NAALADL2: variants seen among roughly 807,000 people sequenced by gnomAD.
NAALADL2 encodes inactive N-acetylated-alpha-linked acidic dipeptidase-like protein 2.
NAALADL2 carries 76 observed loss-of-function variants against 87.2 expected under a neutral mutation model. The observed-to-expected ratio is 0.87, with a 90% CI of 0.72 to 1.05. The LOEUF is 1.05. Among genes scored for constraint, NAALADL2 ranks in the 50% least tolerant of loss-of-function variants. The pLI is 0.00. For missense variants in NAALADL2, 1,089 were observed against 945.8 expected (o/e 1.15, Z -1.99); for synonymous variants, 354 against 331.0 (o/e 1.07, Z -0.75).
At chr3:175,761,588 C>A (rs1259997103) in intron 13 of NAALADL2, among the ~76,000 whole-genome samples, 2 of 151,710 alleles carry the variant, frequency 1.3e-5, no homozygotes, top group Non-Finnish European at 2.9e-5. Flanking sequence ...ACTGTCTTTC[C>A]AAGGGGCTAT....
chr3:174,906,162 T>C (rs1369724494), intron 1 of NAALADL2, among the ~76,000 whole-genome samples: 1 of 152,082 alleles, frequency 6.6e-6, no homozygotes, highest in Non-Finnish European at 1.5e-5. Context: ...TGCCAATTCA[T>C]ATCAAACATT....
intron 1 of NAALADL2, among the ~76,000 whole-genome samples, chr3:174,470,988 T>A (rs2108310541): frequency 6.6e-6 from 1 of 152,210 alleles, no homozygotes; most frequent in Admixed American, 6.5e-5. Context: ...TAGTTATTTT[T>A]ATTTTTTTTC....
chr3:174,991,571 C>T (rs1010885435), intron 1 of NAALADL2, among the ~76,000 whole-genome samples: 4 of 151,988 alleles, frequency 2.6e-5, no homozygotes, highest in Non-Finnish European at 4.4e-5. Flanking sequence ...TGAAACTCAT[C>T]GCCCTATGTA....
chr3:175,726,361 T>G (rs1742922827), intron 11 of NAALADL2, among the ~76,000 whole-genome samples: 1 of 152,128 alleles, frequency 6.6e-6, no homozygotes, highest in South Asian at 2.1e-4. Flanking sequence ...TCCTAAACTT[T>G]ATCTTTGCCT....
chr3:174,897,907 A>T (rs1214643185), intron 1 of NAALADL2, among the ~76,000 whole-genome samples: 1 of 137,778 alleles, frequency 7.3e-6, no homozygotes, highest in Non-Finnish European at 1.5e-5. Context: ...AGGTCAGGAG[A>T]TCGAGACCAT....
intron 1 of NAALADL2, among the ~76,000 whole-genome samples, chr3:174,894,956 GA>G (rs2109818301): frequency 6.6e-6 from 1 of 152,090 alleles, no homozygotes; most frequent in African/African-American, 2.4e-5. Context: ...AATCAAGAAG[GA>G]AAGTGATAAA....
At chr3:174,931,273 G>T (rs943861351) in intron 1 of NAALADL2, among the ~76,000 whole-genome samples, 3 of 152,084 alleles carry the variant, frequency 2.0e-5, no homozygotes, top group Non-Finnish European at 4.4e-5. Flanking sequence ...ATAAAGAATA[G>T]GGGTTAAGAT....
intron 1 of NAALADL2, among the ~76,000 whole-genome samples, chr3:174,907,278 A>AG (rs1328572751): frequency 3.3e-5 from 5 of 152,060 alleles, no homozygotes; most frequent in Non-Finnish European, 7.3e-5. Flanking sequence ...AAAAAGAAGA[A>AG]GAAAAAAAAG....
chr3:175,754,036 C>A (rs1746933032), intron 12 of NAALADL2, among the ~76,000 whole-genome samples: 1 of 152,122 alleles, frequency 6.6e-6, no homozygotes, highest in African/African-American at 2.4e-5. Flanking sequence ...AAGCCTGATT[C>A]TAATGGTGAG....
chr3:175,637,875 A>T (rs1728765421), intron 11 of NAALADL2, among the ~76,000 whole-genome samples: 1 of 152,198 alleles, frequency 6.6e-6, no homozygotes, highest in Non-Finnish European at 1.5e-5. Context: ...GATTTTATGG[A>T]CCTTGGAATT....
At chr3:175,128,135 A>G (rs1320337753) in intron 2 of NAALADL2, among the ~76,000 whole-genome samples, 1 of 152,202 alleles carries the variant, frequency 6.6e-6, no homozygotes, top group Middle Eastern at 3.2e-3. Flanking sequence ...CTCTCCTGGA[A>G]GAATTACAGT....
At chr3:175,630,329 G>A (rs571281489) in intron 11 of NAALADL2, among the ~76,000 whole-genome samples, 1 of 151,794 alleles carries the variant, frequency 6.6e-6, no homozygotes, top group East Asian at 1.9e-4. Context: ...ATTCTCTTTA[G>A]TAGAACTTTG....
rs188897612 is a variant in NAALADL2, at chr3:175,094,458, G to A, written c.44-2332G>A. On this transcript the variant is annotated intron_variant, in intron 1 of 13. Transcript: ENST00000454872. ...TTTTGACAGATTCTTTAAACCCAGT[G>A]AGATTCAGTTTCTTCCTCTATAAGT... Among the ~76,000 whole-genome samples the A allele has an allele frequency of 7.2e-5, 11 of 152,054 alleles. No homozygotes were observed. In the East Asian group the frequency reaches 1.9e-3, roughly 27 times the overall value.
chr3:175,722,642 C>T (rs1212387095), intron 11 of NAALADL2, among the ~76,000 whole-genome samples: 1 of 152,084 alleles, frequency 6.6e-6, no homozygotes, highest in African/African-American at 2.4e-5. Context: ...GTGAAATAAG[C>T]TTTTTATTAT....
intron 1 of NAALADL2, among the ~76,000 whole-genome samples, chr3:175,030,768 G>C (rs983404102): frequency 6.6e-6 from 1 of 151,978 alleles, no homozygotes; most frequent in Non-Finnish European, 1.5e-5. Flanking sequence ...AAATTGCAGA[G>C]TTTACTATTA....
At chr3:174,821,820 G>T (rs1366983215) in intron 3 of NAALADL2, among the ~76,000 whole-genome samples, 5 of 152,174 alleles carry the variant, frequency 3.3e-5, no homozygotes, top group Non-Finnish European at 7.3e-5. Context: ...TATCCAGATT[G>T]AGAATTATCA....
intron 2 of NAALADL2, among the ~76,000 whole-genome samples, chr3:174,624,817 T>A (rs1331107748): frequency 1.3e-5 from 2 of 152,302 alleles, no homozygotes; most frequent in African/African-American, 4.8e-5. Flanking sequence ...GTTTATTTAC[T>A]TTTTCAGGCT....
chr3:175,494,988 T>C (rs1728606269), intron 9 of NAALADL2, among the ~76,000 whole-genome samples: 1 of 151,438 alleles, frequency 6.6e-6, no homozygotes, highest in Non-Finnish European at 1.5e-5. Flanking sequence ...TCTGGAACAA[T>C]TGCTTACTAA....
chr3:175,171,450 T>C lies in NAALADL2; in HGVS notation c.546-62481T>C, dbSNP rs1013107001. Reference sequence around the variant, plus strand: ...TAAACGGAGTTGTGTGTATAATATATTCCTGTACTTCAGTCATCTTATCAG... The same window carrying C: ...TAAACGGAGTTGTGTGTATAATATACTCCTGTACTTCAGTCATCTTATCAG... On this transcript the variant is annotated intron_variant, in intron 2 of 13. Coordinates refer to ENST00000454872, the MANE Select transcript of NAALADL2 (RefSeq NM_207015.3). Among the ~76,000 whole-genome samples the C allele has an allele frequency of 2.0e-5, 3 of 152,218 alleles. No individual in the cohort carries two copies. In the East Asian group the frequency reaches 5.8e-4, roughly 29 times the overall value.
Sources: gnomAD v4.1 joint callset for allele counts (sites outside exome capture counted in the v4.1 genomes callset) on GRCh38, gnomAD v4.1.1 for gene constraint, MANE v1.5 for transcripts, NCBI Gene and HGNC (gene_info 2026-07-23, HGNC 2026-07-21) for gene names.